The following LRRC4C variants were observed in gnomAD, a reference collection of about 807,000 sequenced individuals.
LRRC4C encodes the protein leucine-rich repeat-containing protein 4C.
Under a neutral mutation model 33.6 loss-of-function variants are expected in LRRC4C, and 5 were observed. The ratio of observed to expected loss-of-function variants is 0.15; its 90% CI spans 0.08 to 0.31. LRRC4C has a LOEUF of 0.31. LRRC4C is among the 10% of genes least tolerant of loss of function. LRRC4C has a pLI of 1.00. For missense variants in LRRC4C, 560 were observed against 796.7 expected, an observed-to-expected ratio of 0.70 and a Z score of 3.58; for synonymous variants, 329 against 302.0, an observed-to-expected ratio of 1.09 and a Z score of -0.93.
At position 40,576,010 on chromosome 11, in the gene LRRC4C, G is replaced by A. The variant is rs550297689; in HGVS notation, c.-270+72132C>T. ...ACAAGTCACAGCTTCCTTGCCCATAGCCTCATTTTCTTTTATTATCTTTGA... is the reference window on the plus strand; with the variant it reads ...ACAAGTCACAGCTTCCTTGCCCATAACCTCATTTTCTTTTATTATCTTTGA... On this transcript the variant is annotated intron_variant, in intron 3 of 6. Coordinates refer to ENST00000528697, the MANE Select transcript of LRRC4C (RefSeq NM_001258419.2). Among the ~76,000 whole-genome samples the A allele has an allele frequency of 3.9e-5, 6 of 152,204 alleles. No homozygotes were observed. The East Asian group carries it at 1.2e-3, about 29-fold the overall frequency.
intron 1 of LRRC4C, among the ~76,000 whole-genome samples, chr11:41,406,706 CCACACA>C (rs112867786): frequency 0.4 from 54,556 of 138,104 alleles, 11,028 homozygotes; most frequent in South Asian, 0.49. Flanking sequence ...TACACATTCA[CCACACA>C]CACACACACA....
At chr11:41,194,240 G>A (rs1156344446) in intron 1 of LRRC4C, among the ~76,000 whole-genome samples, 1 of 152,006 alleles carries the variant, frequency 6.6e-6, no homozygotes, top group African/African-American at 2.4e-5. Context: ...GTCAACAGTA[G>A]GCTATTAGTA....
At chr11:40,829,974 G>A (rs1952337331) in intron 2 of LRRC4C, among the ~76,000 whole-genome samples, 1 of 152,046 alleles carries the variant, frequency 6.6e-6, no homozygotes. Flanking sequence ...ATGGGGTGAA[G>A]TCTAATTCAA....
chr11:40,295,601 A>T (rs941537027), intron 4 of LRRC4C, among the ~76,000 whole-genome samples: 22 of 152,112 alleles, frequency 1.4e-4, no homozygotes, highest in Non-Finnish European at 5.9e-5. Context: ...TCCTTGTTTG[A>T]GTTAAAAAAA....
chr11:40,761,929 C>A (rs1468906370), intron 2 of LRRC4C, among the ~76,000 whole-genome samples: 1 of 152,050 alleles, frequency 6.6e-6, no homozygotes, highest in Non-Finnish European at 1.5e-5. Flanking sequence ...CAGTATACTA[C>A]CATTTTATCT....
intron 1 of LRRC4C, among the ~76,000 whole-genome samples, chr11:41,259,632 G>C (rs1053525544): frequency 5.9e-5 from 9 of 151,938 alleles, no homozygotes; most frequent in Non-Finnish European, 1.0e-4. Flanking sequence ...AGCCACACTG[G>C]ACCTAATCAT....
intron 3 of LRRC4C, among the ~76,000 whole-genome samples, chr11:40,461,069 T>C (rs1174669330): frequency 1.3e-5 from 2 of 152,072 alleles, no homozygotes; most frequent in Non-Finnish European, 2.9e-5. Context: ...TTTAAACAGA[T>C]GGGTATAGGT....
At chr11:41,013,720 C>T (rs10837546) in intron 1 of LRRC4C, among the ~76,000 whole-genome samples, 23,713 of 151,970 alleles carry the variant, frequency 0.16, 1,995 homozygotes, top group Middle Eastern at 0.22. Flanking sequence ...TGTATTAGTC[C>T]GTTCTCACAC....
intron 1 of LRRC4C, among the ~76,000 whole-genome samples, chr11:41,385,477 G>T (rs1953325273): frequency 6.6e-6 from 1 of 151,252 alleles, no homozygotes; most frequent in Non-Finnish European, 1.5e-5. Context: ...AAACTAATTA[G>T]AAAAATTTTT....
chr11:41,444,586 T>C (rs186731705), intron 1 of LRRC4C, among the ~76,000 whole-genome samples: 1 of 152,280 alleles, frequency 6.6e-6, no homozygotes, highest in Admixed American at 6.5e-5. Context: ...TAGACAAAGA[T>C]GTGTCTTGCA....
At chr11:40,196,804 T>A (rs553452461) in intron 5 of LRRC4C, among the ~76,000 whole-genome samples, 2 of 152,178 alleles carry the variant, frequency 1.3e-5, no homozygotes, top group African/African-American at 2.4e-5. Flanking sequence ...TATATACAAA[T>A]GTAATTACAA....
intron 3 of LRRC4C, among the ~76,000 whole-genome samples, chr11:40,641,275 T>A (rs1942106284): frequency 6.6e-6 from 1 of 152,158 alleles, no homozygotes; most frequent in African/African-American, 2.4e-5. Flanking sequence ...CAAAGTGAAT[T>A]TCTATAAAAT....
chr11:41,392,058 G>A (rs1443081112), intron 1 of LRRC4C, among the ~76,000 whole-genome samples: 1 of 151,798 alleles, frequency 6.6e-6, no homozygotes, highest in Non-Finnish European at 1.5e-5. Context: ...AGTACTCACT[G>A]GAACTATAAA....
intron 1 of LRRC4C, among the ~76,000 whole-genome samples, chr11:40,966,223 A>G (rs151214231): frequency 6.6e-6 from 1 of 152,096 alleles, no homozygotes; most frequent in East Asian, 1.9e-4. Flanking sequence ...ATGTCATGAA[A>G]GAATAGGTAC....
At chr11:41,277,357 C>T (rs1949517329) in intron 1 of LRRC4C, among the ~76,000 whole-genome samples, 3 of 152,150 alleles carry the variant, frequency 2.0e-5, no homozygotes, top group Non-Finnish European at 4.4e-5. Context: ...ATTTTTAAAT[C>T]ACCCCAAATC....
At chr11:40,949,049 T>C (rs1355435376) in intron 1 of LRRC4C, among the ~76,000 whole-genome samples, 1 of 152,144 alleles carries the variant, frequency 6.6e-6, no homozygotes, top group Admixed American at 6.6e-5. Flanking sequence ...GACTTTTTAA[T>C]GATTGCCATT....
chr11:40,459,968 A>G (rs1460383634), intron 3 of LRRC4C, among the ~76,000 whole-genome samples: 2 of 152,180 alleles, frequency 1.3e-5, no homozygotes, highest in Non-Finnish European at 2.9e-5. Context: ...GCCTTTCACT[A>G]TCTTTGGCTG....
chr11:40,995,524 T>C (rs1853907351), intron 1 of LRRC4C, among the ~76,000 whole-genome samples: 1 of 152,170 alleles, frequency 6.6e-6, no homozygotes, highest in Non-Finnish European at 1.5e-5. Context: ...TCCTTTCTAA[T>C]CACGTCTAAT....
At chr11:40,861,597 A>G (rs1358612442) in intron 2 of LRRC4C, among the ~76,000 whole-genome samples, 1 of 152,164 alleles carries the variant, frequency 6.6e-6, no homozygotes, top group Non-Finnish European at 1.5e-5. Context: ...AGTATGAAAA[A>G]TCAACAAGGG....
Sources: gnomAD v4.1 joint callset for allele counts (sites outside exome capture counted in the v4.1 genomes callset) on GRCh38, gnomAD v4.1.1 for gene constraint, MANE v1.5 for transcripts, NCBI Gene and HGNC (gene_info 2026-07-23, HGNC 2026-07-21) for gene names.